SVIL: variants seen among roughly 807,000 people sequenced by gnomAD.
SVIL encodes supervillin, also known as archvillin.
SVIL carries 101 observed loss-of-function variants against 240.4 expected under a neutral mutation model. That is an observed-to-expected ratio of 0.42 (90% CI 0.36 to 0.50). The LOEUF (loss-of-function observed/expected upper bound fraction) is 0.50. Among genes scored for constraint, SVIL ranks in the 20% least tolerant of loss-of-function variants. The pLI is 0.01. For synonymous variants in SVIL, 999 were observed against 1,100.0 expected (o/e 0.91, Z 1.82); for missense variants, 2,512 against 2,818.7 (o/e 0.89, Z 2.46).
chr10:29,679,700 C>A (rs925905499), intron 2 of SVIL, among the ~76,000 whole-genome samples: 2 of 151,724 alleles, frequency 1.3e-5, no homozygotes, highest in African/African-American at 2.4e-5. Context: ...GGACCGCAGG[C>A]ACACACCACC....
At chr10:29,543,136 T>G (rs910179386) in intron 6 of SVIL, among the ~76,000 whole-genome samples, 5 of 152,226 alleles carry the variant, frequency 3.3e-5, no homozygotes, top group African/African-American at 9.6e-5. Flanking sequence ...GAGTTATTTA[T>G]ATTCTACTGC....
At chr10:29,569,226 T>G in intron 2 of SVIL, 29 bp downstream of exon 2, 2 of 972,486 alleles carry the variant, frequency 2.1e-6, no homozygotes, top group Non-Finnish European at 2.4e-6. Flanking sequence ...CTTCAAAATT[T>G]CACAGTTGTT....
chr10:29,659,920 C>G (rs1054948333), intron 2 of SVIL, among the ~76,000 whole-genome samples: 1 of 152,206 alleles, frequency 6.6e-6, no homozygotes, highest in Non-Finnish European at 1.5e-5. Flanking sequence ...CCCTGGGACT[C>G]CTCCTTAGGG....
At chr10:29,626,300 G>A (rs1589415631) in intron 1 of SVIL, among the ~76,000 whole-genome samples, 1 of 152,338 alleles carries the variant, frequency 6.6e-6, no homozygotes, top group East Asian at 1.9e-4. Context: ...AACAACAGAT[G>A]TAGGGCTGAA....
intron 3 of SVIL, among the ~76,000 whole-genome samples, chr10:29,651,137 G>A (rs893355562): frequency 1.3e-5 from 2 of 151,814 alleles, no homozygotes; most frequent in African/African-American, 2.4e-5. Flanking sequence ...CACCACCCTC[G>A]CGCCCCAACC....
At chr10:29,669,103 T>C (rs1469337339) in intron 2 of SVIL, among the ~76,000 whole-genome samples, 1 of 152,130 alleles carries the variant, frequency 6.6e-6, no homozygotes, top group Non-Finnish European at 1.5e-5. Flanking sequence ...GAATGTCAGC[T>C]GATAAGAGCA....
intron 33 of SVIL, among the ~76,000 whole-genome samples, chr10:29,467,468 CT>C (rs1442880205): frequency 5.9e-5 from 9 of 152,158 alleles, no homozygotes; most frequent in Non-Finnish European, 1.2e-4. Context: ...AAACTCACCC[CT>C]GGGAAGAAAA....
intron 17 of SVIL, among the ~76,000 whole-genome samples, chr10:29,505,341 AATC>A (rs201389707): frequency 0.016 from 2,448 of 152,098 alleles, 64 homozygotes; most frequent in African/African-American, 0.055. Flanking sequence ...TAATAATAAT[AATC>A]ATAATAATTT....
chr10:29,639,612 G>C (rs1958421777), upstream of SVIL, among the ~76,000 whole-genome samples: 1 of 151,778 alleles, frequency 6.6e-6, no homozygotes, highest in East Asian at 1.9e-4. Context: ...GGGATCACAG[G>C]CAGATGCCAC....
chr10:29,465,684 G>T lies in SVIL; in HGVS notation c.6044C>A (p.Ala2015Asp). The T allele has an allele frequency of 6.2e-7, 1 of 1,613,466 alleles. No homozygotes were observed. The highest frequency in any genetic ancestry group is 8.5e-7 in the Non-Finnish European group (1 of 1,179,984). Reference sequence around the variant, plus strand: ...TCGGGCAGGGTACACAAACTCTGTGGCTGCAAAATCCCCAGAGGAGCTGCT... The same window carrying T: ...TCGGGCAGGGTACACAAACTCTGTGTCTGCAAAATCCCCAGAGGAGCTGCT... The part of the protein sequence containing the change: ...ILSSSSGDFA[A>D]TEFVYPARAP... The change falls in exon 34 of 38, where the codon GCC becomes GAC. Residue 2015 changes from alanine to aspartate, a missense_variant. Around this residue, in one of 3 missense-constraint regions of SVIL, gnomAD observed 797 missense variants for 925.3 expected, o/e 0.86. Coordinates refer to ENST00000355867, the MANE Select transcript of SVIL (RefSeq NM_021738.3).
chr10:29,549,568 C>T (rs1205858157), intron 6 of SVIL, among the ~76,000 whole-genome samples: 2 of 146,986 alleles, frequency 1.4e-5, no homozygotes, highest in East Asian at 2.0e-4. Context: ...AAGACACATG[C>T]ACACGTATGT....
chr10:29,546,081 G>T (rs941424341), intron 6 of SVIL, among the ~76,000 whole-genome samples: 1 of 152,086 alleles, frequency 6.6e-6, no homozygotes, highest in Admixed American at 6.6e-5. Context: ...GATGCATAAA[G>T]TAACAAATTC....
chr10:29,581,918 T>C (rs1353571122), intron 1 of SVIL, among the ~76,000 whole-genome samples: 1 of 152,200 alleles, frequency 6.6e-6, no homozygotes, highest in Non-Finnish European at 1.5e-5. Flanking sequence ...TGCTACAATG[T>C]AGAGGAACCT....
chr10:29,588,190 C>T (rs574125473), intron 1 of SVIL, among the ~76,000 whole-genome samples: 40 of 151,756 alleles, frequency 2.6e-4, no homozygotes, highest in African/African-American at 9.7e-4. Flanking sequence ...ACTGGAGCTG[C>T]CGAACCACAG....
intron 1 of SVIL, among the ~76,000 whole-genome samples, chr10:29,603,627 GA>G: frequency 6.6e-6 from 1 of 152,228 alleles, no homozygotes; most frequent in African/African-American, 2.4e-5. Context: ...GGATCATGAG[GA>G]AGGTGATGAA....
chr10:29,614,570 C>G (rs1167607487), intron 1 of SVIL, among the ~76,000 whole-genome samples: 1 of 152,090 alleles, frequency 6.6e-6, no homozygotes, highest in Non-Finnish European at 1.5e-5. Context: ...AACAGAAAAC[C>G]AAACACCACA....
chr10:29,508,308 A>G, intron 17 of SVIL: 1 of 1,270,670 alleles, frequency 7.9e-7, no homozygotes, highest in South Asian at 1.2e-5. Context: ...TCTGGCCACC[A>G]TCGAGAGGAC....
chr10:29,486,235 G>A lies in SVIL; in HGVS notation c.4634-5C>T. On this transcript the variant is annotated splice_region_variant and splice_polypyrimidine_tract_variant and intron_variant, in intron 25 of 37. Transcript: ENST00000355867. ...CTTCTTTTGGGTCTCCAGCAGCTTG[G>A]GGATAAGAAGAACAGGAGAGCATCA... The A allele has an allele frequency of 1.2e-6, 2 of 1,614,050 alleles. No individual in the cohort carries two copies. The highest frequency in any genetic ancestry group is 1.7e-6 in the Non-Finnish European group (2 of 1,179,948).
At chr10:29,670,154 A>G (rs1959656077) in intron 2 of SVIL, among the ~76,000 whole-genome samples, 1 of 152,144 alleles carries the variant, frequency 6.6e-6, no homozygotes, top group South Asian at 2.1e-4. Flanking sequence ...TTTGACCCCA[A>G]TAGTTTTAAA....
Sources: allele counts gnomAD v4.1 joint callset (sites outside exome capture counted in the v4.1 genomes callset), GRCh38; gene constraint gnomAD v4.1.1; regional missense constraint gnomAD v4.1.1; transcripts MANE v1.5; gene names NCBI Gene and HGNC (gene_info 2026-07-23, HGNC 2026-07-21).